The following ACSL1 variants were observed in gnomAD, a reference collection of about 807,000 sequenced individuals.
ACSL1 encodes long-chain-fatty-acid--CoA ligase 1.
A neutral mutation model predicts 98.4 loss-of-function variants in ACSL1; 41 were observed. The observed-to-expected ratio is 0.42, with a 90% CI of 0.32 to 0.54. ACSL1 has a LOEUF of 0.54. Among genes scored for constraint, ACSL1 ranks in the 20% least tolerant of loss-of-function variants. The pLI is 0.13. For synonymous variants in ACSL1, 316 were observed against 322.7 expected (o/e 0.98, Z 0.22); for missense variants, 734 against 883.1 (o/e 0.83, Z 2.14).
Position 184,773,872 on chromosome 4 carries a change from G to A in ACSL1, c.760C>T (p.Leu254=). 6.2e-7 allele frequency: 1 copy of A among 1,613,792 alleles called. No homozygotes were observed. The highest frequency in any genetic ancestry group is 1.1e-5 in the South Asian group (1 of 91,074). ...GGCTTCCGTCTGTTGGCTCTTCCCA[G>A]GTCCTTAATTAGAAGAGAAAAAAAG... is the stretch of plus-strand genomic sequence containing the variant. ...EVTSMKAMED[L]GRANRRKPKP... is the part of the protein sequence containing the mutation. Residue 254 remains leucine, a synonymous_variant, in exon 8 of 21, where the codon CTG becomes TTG. Transcript: ENST00000281455. This position sits in a 1 kb window ranked among gnomAD's most constrained non-coding sequence, Gnocchi z 4.3.
In ACSL1 at chr4:184,765,994, G is replaced by A. The variant is rs1402505128; in HGVS notation, c.1264-8C>T. The A allele has an allele frequency of 1.9e-6, 3 of 1,613,206 alleles. No homozygotes were observed. Among genetic ancestry groups the A allele is most frequent in the Non-Finnish European group, 2.5e-6 (3 of 1,179,672 alleles). ...TCTTCCGCCCAGGCTCGACTTTCAG[G>A]GAGGGAGAGTGGGAGAAGGTGAGGG... On this transcript the variant is annotated splice_region_variant and splice_polypyrimidine_tract_variant and intron_variant, in intron 13 of 20. Transcript: ENST00000281455.
intron 14 of ACSL1, among the ~76,000 whole-genome samples, 188 bp downstream of exon 14, chr4:184,765,703 A>AT (rs1490637459): frequency 6.6e-6 from 1 of 152,220 alleles, no homozygotes; most frequent in Non-Finnish European, 1.5e-5. Context: ...AATTAGCTTC[A>AT]TTTAGCCATT....
chr4:184,765,498 G>A (rs3792315), intron 14 of ACSL1, among the ~76,000 whole-genome samples: 34,760 of 151,820 alleles, frequency 0.23, 4,110 homozygotes, highest in Middle Eastern at 0.32. Flanking sequence ...AAAGTAGGGG[G>A]TGGGAAGGAT....
chr4:184,794,970 CG>C (rs1769091956), intron 2 of ACSL1, among the ~76,000 whole-genome samples: 1 of 152,018 alleles, frequency 6.6e-6, no homozygotes. Context: ...GAGGCTGACA[CG>C]GTACTTCGCA....
At chr4:184,768,588 T>TA (rs546750407) in intron 11 of ACSL1, 138 bp from the exon 12 acceptor site, 186 of 1,280,794 alleles carry the variant, frequency 1.5e-4, no homozygotes, top group South Asian at 3.9e-4. Context: ...ATAGGTAACT[T>TA]AAAAAAAATG....
At chr4:184,791,751 G>A (rs1297830413) in intron 2 of ACSL1, among the ~76,000 whole-genome samples, 2 of 152,116 alleles carry the variant, frequency 1.3e-5, no homozygotes, top group African/African-American at 4.8e-5. Context: ...GTTGGGAGCC[G>A]GGAAGGACCA....
intron 1 of ACSL1, chr4:184,821,168 C>G: frequency 2.2e-6 from 1 of 452,946 alleles, no homozygotes; most frequent in Non-Finnish European, 4.5e-6. Context: ...TAAGCCTGGC[C>G]GTGTCCAGGC....
At chr4:184,797,903 T>C (rs1258978584) in intron 2 of ACSL1, among the ~76,000 whole-genome samples, 1 of 152,214 alleles carries the variant, frequency 6.6e-6, no homozygotes, top group East Asian at 1.9e-4. Flanking sequence ...TTGTGGAGAA[T>C]GAAACCCAAA....
chr4:184,792,295 A>G (rs899517907), intron 2 of ACSL1, among the ~76,000 whole-genome samples: 1 of 152,220 alleles, frequency 6.6e-6, no homozygotes, highest in Non-Finnish European at 1.5e-5. Context: ...ATACGGGATA[A>G]AAGGTCACAC....
At position 184,765,892 on chromosome 4, in the gene ACSL1, T is replaced by C; in HGVS notation, c.1358A>G (p.Gln453Arg). ...CAGGCGCCGTGACATCCACCTCACC[T>C]GACAGCCCAGGGCTGCTCTGAGGAA... ...LTFLRAALGCQFYEGYGQTEC... is the reference protein window; with the variant it reads ...LTFLRAALGCRFYEGYGQTEC... Residue 453 changes from glutamine to arginine, a missense_variant and splice_region_variant, in exon 14 of 21, where the codon CAG becomes CGG. Coordinates refer to ENST00000281455, the MANE Select transcript of ACSL1 (RefSeq NM_001995.5). The C allele has an allele frequency of 6.2e-7, 1 of 1,612,504 alleles. No individual in the cohort carries two copies. Among genetic ancestry groups the C allele is most frequent in the Non-Finnish European group, 8.5e-7 (1 of 1,179,036 alleles).
At position 184,803,448 on chromosome 4, in the gene ACSL1, G is replaced by T. The variant is rs1054480669; in HGVS notation, c.67C>A (p.Arg23Ser). ...PELVDFRQYVRTLPTNTLMGF... is the reference protein window; with the variant it reads ...PELVDFRQYVSTLPTNTLMGF... ...ATAAGCGTGTTGGTCGGAAGAGTAC[G>T]CACGTACTGTCGGAAGTCAACCAGC... The change falls in exon 2 of 21, where the codon CGT (arginine) becomes AGT (serine). Residue 23 changes from arginine (R) to serine (S), a missense_variant. Transcript: ENST00000281455. This position sits in a 1 kb window ranked among gnomAD's most constrained non-coding sequence, Gnocchi z 4.8. The T allele has an allele frequency of 9.9e-6, 16 of 1,613,330 alleles. No homozygotes were observed. The highest frequency in any genetic ancestry group is 1.7e-5 in the Admixed American group (1 of 59,812).
chr4:184,762,340 T>G, intron 17 of ACSL1, 67 bp downstream of exon 17: 1 of 1,339,248 alleles, frequency 7.5e-7, no homozygotes. Flanking sequence ...AGCTGCACAG[T>G]AGATAAGACA....
intron 4 of ACSL1, 36 bp from the exon 5 acceptor site, chr4:184,780,469 G>C: frequency 6.6e-7 from 1 of 1,518,928 alleles, no homozygotes; most frequent in East Asian, 2.3e-5. Flanking sequence ...AGCAGCATTG[G>C]GCCCCAACTC....
Position 184,768,331 on chromosome 4 carries a change from G to A in ACSL1, c.1113C>T (p.Asn371=). ...TVFPVVPRLL[N]RMFDRIFGQA... Reference sequence around the variant, plus strand: ...TGGAACTTACTCGGTCAAACATCCGGTTCAGCAGTCTTGGAACCACGGGGA... The same window carrying A: ...TGGAACTTACTCGGTCAAACATCCGATTCAGCAGTCTTGGAACCACGGGGA... The change falls in exon 12 of 21, where the codon AAC becomes AAT. Residue 371 remains asparagine, a synonymous_variant. Coordinates refer to ENST00000281455, the MANE Select transcript of ACSL1 (RefSeq NM_001995.5). 6.2e-7 allele frequency: 1 copy of A among 1,612,634 alleles called. No individual in the cohort carries two copies. Among genetic ancestry groups the A allele is most frequent in the Non-Finnish European group, 8.5e-7 (1 of 1,179,668 alleles).
intron 10 of ACSL1, among the ~76,000 whole-genome samples, chr4:184,771,244 G>A (rs1764471426): frequency 1.3e-5 from 2 of 152,118 alleles, no homozygotes; most frequent in African/African-American, 4.8e-5. Context: ...GGAAGGTTAA[G>A]GGATTATATG....
chr4:184,815,199 G>A, intron 1 of ACSL1: 1 of 434,214 alleles, frequency 2.3e-6, no homozygotes, highest in South Asian at 1.6e-5. Flanking sequence ...GGTGGAACCA[G>A]GCCAAGTCTG....
chr4:184,799,600 C>G (rs1770102350), intron 2 of ACSL1, among the ~76,000 whole-genome samples: 1 of 152,186 alleles, frequency 6.6e-6, no homozygotes, highest in Non-Finnish European at 1.5e-5. Context: ...GTAATCCCAG[C>G]ACTTTGGGAG....
In ACSL1 at chr4:184,825,354, C is replaced by T. The variant is rs1418353061; in HGVS notation, c.-33+562G>A. 1.7e-6 allele frequency: 1 copy of T among 582,374 alleles called. No homozygotes were observed. The highest frequency in any genetic ancestry group is 2.2e-6 in the Non-Finnish European group (1 of 461,832). 36.1% of individuals were successfully genotyped at this position (582,374 alleles called of 1,614,324 possible). A position where few individuals can be genotyped will look rare whatever the true frequency, so the allele number is the denominator to read the frequency against. ...GGCCACGGGCACTCCTCTGGAGTCA[C>T]CGAGAGAATGTCTGCCTCTGGCAGC... On this transcript the variant is annotated intron_variant, in intron 1 of 20. Coordinates refer to ENST00000281455, the MANE Select transcript of ACSL1 (RefSeq NM_001995.5). The surrounding 1 kb of genome is among the most constrained non-coding windows in gnomAD (Gnocchi z 4.7).
At chr4:184,817,148 A>G (rs1772703904) in intron 1 of ACSL1, among the ~76,000 whole-genome samples, 1 of 152,126 alleles carries the variant, frequency 6.6e-6, no homozygotes, top group Non-Finnish European at 1.5e-5. Context: ...TTTGACATGA[A>G]TCACAACCTA....
Sources: allele counts gnomAD v4.1 joint callset (sites outside exome capture counted in the v4.1 genomes callset), GRCh38; gene constraint gnomAD v4.1.1; non-coding constraint Gnocchi (gnomAD v3.1); transcripts MANE v1.5; gene names NCBI Gene and HGNC (gene_info 2026-07-23, HGNC 2026-07-21).